Variants in SLC7A8 observed in about 807,000 individuals in gnomAD.
The protein encoded by SLC7A8 is large neutral amino acids transporter small subunit 2.
SLC7A8 carries 30 observed loss-of-function variants against 51.2 expected under a neutral mutation model. The observed-to-expected ratio is 0.59, with a 90% CI of 0.44 to 0.80. SLC7A8 has a LOEUF of 0.80. Ranked by LOEUF, SLC7A8 falls within the 30% of genes least tolerant of loss-of-function variation. The pLI is 0.00. For missense variants in SLC7A8, 612 were observed against 674.4 expected, an observed-to-expected ratio of 0.91 and a Z score of 1.03; for synonymous variants, 257 against 275.8, an observed-to-expected ratio of 0.93 and a Z score of 0.67.
chr14:23,131,355 G>C (rs1354833323), intron 8 of SLC7A8, 106 bp downstream of exon 8: 2 of 845,890 alleles, frequency 2.4e-6, no homozygotes, highest in Non-Finnish European at 3.5e-6. Flanking sequence ...CCTAGCAGCA[G>C]ACTGCAAGGG....
chr14:23,178,005 CA>C (rs1876996198), intron 1 of SLC7A8, among the ~76,000 whole-genome samples: 1 of 152,202 alleles, frequency 6.6e-6, no homozygotes, highest in African/African-American at 2.4e-5. Context: ...AGGATGCAGA[CA>C]AGCTCTGGGT....
At chr14:23,140,397 C>T (rs1364953273) in intron 5 of SLC7A8, 74 bp downstream of exon 5, 5 of 1,488,564 alleles carry the variant, frequency 3.4e-6, no homozygotes, top group East Asian at 2.3e-5. Flanking sequence ...GCAATGGACA[C>T]CTGCTCCCTC....
At chr14:23,143,285 C>T in intron 3 of SLC7A8, 81 bp from the exon 4 acceptor site, 2 of 1,563,506 alleles carry the variant, frequency 1.3e-6, no homozygotes, top group Non-Finnish European at 1.7e-6. Context: ...CAGAACTGCT[C>T]CCTCATCCTG....
intron 1 of SLC7A8, among the ~76,000 whole-genome samples, chr14:23,168,714 T>A (rs988227483): frequency 2.6e-5 from 4 of 152,154 alleles, no homozygotes; most frequent in African/African-American, 9.7e-5. Flanking sequence ...ATTTAATAGA[T>A]CCCATCTTCT....
rs752536582 is a variant in SLC7A8, at chr14:23,166,432, A to G, written c.260T>C (p.Val87Ala). The change falls in exon 2 of 11, where the codon GTT becomes GCT. Residue 87 changes from valine to alanine, a missense_variant. Transcript: ENST00000316902. ...TTCAGCATAGCAGAGGGCTCCCACA[A>G]CTGTGATGAAGCCCGTCACAATCCA... ...IVWIVTGFIT[V>A]VGALCYAELG... is the part of the protein sequence containing the mutation. 3.1e-6 allele frequency: 5 copies of G among 1,614,022 alleles called. No individual in the cohort carries two copies. In the East Asian group the frequency reaches 6.7e-5, roughly 22 times the overall value.
Position 23,129,567 on chromosome 14 carries a change from A to G in SLC7A8, c.1263+83T>C, listed in dbSNP as rs76270721. The G allele has an allele frequency of 2.3e-3, 3,509 of 1,498,948 alleles. 53 individuals carry two copies. The African/African-American group carries it at 0.04, about 17-fold the overall frequency. 92.9% of individuals were successfully genotyped at this position (1,498,948 alleles called of 1,614,324 possible). ...AGATGATGACGTGTGGTCAGCAGCT[A>G]AGAACAGAGGTGATTTAAAAATCTG... On this transcript the variant is annotated intron_variant, in intron 9 of 10. Coordinates refer to ENST00000316902, the MANE Select transcript of SLC7A8 (RefSeq NM_012244.4).
At position 23,154,828 on chromosome 14, in the gene SLC7A8, C is replaced by T. The variant is rs140801716; in HGVS notation, c.508+10457G>A. Among the ~76,000 whole-genome samples, 80 of 152,196 alleles carry T rather than the reference C, an allele frequency of 5.3e-4. 1 individual carries two copies. Among genetic ancestry groups the T allele is most frequent in the Admixed American group, 1.2e-3 (18 of 15,294 alleles). ...TCCTTCTCTATTCCCCGCCCACCCC[C>T]ACCTCAAGACATTTTTTAGAGCGGG... is the stretch of plus-strand genomic sequence containing the variant. On this transcript the variant is annotated intron_variant, in intron 3 of 10. Coordinates refer to ENST00000316902, the MANE Select transcript of SLC7A8 (RefSeq NM_012244.4).
intron 7 of SLC7A8, among the ~76,000 whole-genome samples, chr14:23,131,767 G>A (rs2048636468): frequency 1.3e-5 from 2 of 152,226 alleles, no homozygotes; most frequent in African/African-American, 2.4e-5. Flanking sequence ...GTGGAAAAGT[G>A]GATGAACCCT....
In SLC7A8 at chr14:23,180,117, A is replaced by G. The variant is rs539014475; in HGVS notation, c.151+2647T>C. 5.9e-5 allele frequency among the ~76,000 whole-genome samples: 9 copies of G among 152,258 alleles called. No individual in the cohort carries two copies. The East Asian group carries it at 1.2e-3, about 20-fold the overall frequency. ...GAGACGAGGTTTCACCGTGTTAGCC[A>G]GGATGGTCTTGATCTCCTGACCTCG... On this transcript the variant is annotated intron_variant, in intron 1 of 10. Transcript: ENST00000316902.
intron 6 of SLC7A8, 113 bp downstream of exon 6, chr14:23,139,311 G>C (rs1232413499): frequency 6.6e-7 from 1 of 1,525,430 alleles, no homozygotes; most frequent in African/African-American, 1.4e-5. Context: ...TGAGAACTTG[G>C]GGGTGATTTC....
intron 9 of SLC7A8, chr14:23,129,330 G>A (rs1261864413): frequency 4.2e-6 from 1 of 237,286 alleles, no homozygotes; most frequent in African/African-American, 2.3e-5. Flanking sequence ...GGGACAAGGA[G>A]GAAGTGTTGG....
At chr14:23,142,991 G>A in intron 4 of SLC7A8, 88 bp downstream of exon 4, 2 of 1,508,402 alleles carry the variant, frequency 1.3e-6, no homozygotes, top group Non-Finnish European at 1.8e-6. Context: ...ATCTCAGGGT[G>A]TGGCATACTT....
intron 1 of SLC7A8, among the ~76,000 whole-genome samples, chr14:23,176,723 C>T (rs1294036102): frequency 6.6e-6 from 1 of 152,088 alleles, no homozygotes; most frequent in Non-Finnish European, 1.5e-5. Context: ...GGGCAGATCA[C>T]TTGAGGTCAG....
intron 3 of SLC7A8, among the ~76,000 whole-genome samples, chr14:23,161,632 A>G (rs2180397): frequency 0.78 from 115,066 of 148,184 alleles, 45,913 homozygotes; most frequent in Non-Finnish European, 0.86. Context: ...AATAAAAAGT[A>G]CCAGCATTTA....
Position 23,140,641 on chromosome 14 carries a change from C to A in SLC7A8, c.635-17G>T, listed in dbSNP as rs1374887993. 1 of 1,602,352 alleles carries A rather than the reference C, an allele frequency of 6.2e-7. No individual in the cohort carries two copies. Among genetic ancestry groups the A allele is most frequent in the Admixed American group, 1.7e-5 (1 of 59,790 alleles). On this transcript the variant is annotated splice_polypyrimidine_tract_variant and intron_variant, in intron 4 of 10. Transcript: ENST00000316902. The stretch of plus-strand genomic sequence containing the variant: ...AGTACTCTCCTGTGGACACAAGCAA[C>A]AGGAGGCCGCTCAGTGAGACAAGTC...
chr14:23,165,405 T>C lies in SLC7A8; in HGVS notation c.388A>G (p.Ile130Val), dbSNP rs371235147. ...FLRLWIAVLV[I>V]YPTNQAVIAL... ...ATGACAGCCTGGTTGGTGGGGTAGA[T>C]CACCAGCACAGCAATCCACAGCCTC... Residue 130 changes from isoleucine (I) to valine (V), a missense_variant, in exon 3 of 11, where the codon ATC becomes GTC. Coordinates refer to ENST00000316902, the MANE Select transcript of SLC7A8 (RefSeq NM_012244.4). This position sits in a 1 kb window ranked among gnomAD's most constrained non-coding sequence, Gnocchi z 4.2. 1.3e-6 allele frequency: 2 copies of C among 1,595,514 alleles called. No homozygotes were observed. Among genetic ancestry groups the C allele is most frequent in the African/African-American group, 1.4e-5 (1 of 73,392 alleles).
intron 1 of SLC7A8, among the ~76,000 whole-genome samples, chr14:23,167,147 C>T (rs910012610): frequency 2.6e-5 from 4 of 152,298 alleles, no homozygotes; most frequent in East Asian, 1.9e-4. Flanking sequence ...CTAGACATGA[C>T]GGCCCCACCC....
At chr14:23,170,364 T>C (rs2048969782) in intron 1 of SLC7A8, among the ~76,000 whole-genome samples, 1 of 152,154 alleles carries the variant, frequency 6.6e-6, no homozygotes, top group South Asian at 2.1e-4. Context: ...TTTCCTGGAG[T>C]GGCTTTGAAA....
intron 1 of SLC7A8, among the ~76,000 whole-genome samples, chr14:23,173,541 T>TC (rs956037073): frequency 7.9e-5 from 12 of 152,242 alleles, no homozygotes; most frequent in African/African-American, 2.9e-4. Flanking sequence ...CATCAATGGT[T>TC]CCCCCCATTC....
Sources: gnomAD v4.1 joint callset for allele counts (sites outside exome capture counted in the v4.1 genomes callset) on GRCh38, gnomAD v4.1.1 for gene constraint, Gnocchi (gnomAD v3.1) non-coding constraint, MANE v1.5 for transcripts, NCBI Gene and HGNC (gene_info 2026-07-23, HGNC 2026-07-21) for gene names.